The following BRWD1 variants were observed in gnomAD, a reference collection of about 807,000 sequenced individuals.
BRWD1 encodes bromodomain and WD repeat domain containing 1, also known as bromodomain and WD repeat-containing protein 1.
A neutral mutation model predicts 251.2 loss-of-function variants in BRWD1; 82 were observed. That is an observed-to-expected ratio of 0.33 (90% confidence interval 0.27 to 0.39). BRWD1 has a LOEUF of 0.39. Among genes scored for constraint, BRWD1 ranks in the 10% least tolerant of loss-of-function variants. BRWD1 has a pLI of 1.00. For missense variants in BRWD1, 2,233 were observed against 2,711.6 expected (o/e 0.82, Z 3.92); for synonymous variants, 918 against 902.8 (o/e 1.02, Z -0.30).
chr21:39,206,093 C>T lies in BRWD1; in HGVS notation c.4364+15G>A. 6.3e-7 allele frequency: 1 copy of T among 1,593,994 alleles called. No individual in the cohort carries two copies. Among genetic ancestry groups the T allele is most frequent in the Non-Finnish European group, 8.5e-7 (1 of 1,171,834 alleles). ...TAAATAAATAAATAAAGCAAGCTTG[C>T]CATAACCAGTTTACCTGATACTTTT... On this transcript the variant is annotated intron_variant, in intron 37 of 40. Transcript: ENST00000342449.
chr21:39,230,807 TA>T (rs554938911), intron 25 of BRWD1, among the ~76,000 whole-genome samples: 430 of 139,528 alleles, frequency 3.1e-3, no homozygotes, highest in Middle Eastern at 7.2e-3. Flanking sequence ...TGCGAGAGCT[TA>T]AAAAAAAAAA....
chr21:39,218,466 GAAA>G (rs748656460), intron 30 of BRWD1, 36 bp downstream of exon 30: 1 of 1,495,070 alleles, frequency 6.7e-7, no homozygotes, highest in African/African-American at 1.4e-5. Context: ...GAAAAAAATT[GAAA>G]AAAAAACTTT....
Position 39,196,057 on chromosome 21 carries a change from T to C in BRWD1, c.*202A>G. The C allele has an allele frequency of 7.7e-7, 1 of 1,292,152 alleles. No homozygotes were observed. Among genetic ancestry groups the C allele is most frequent in the Non-Finnish European group, 9.8e-7 (1 of 1,022,482 alleles). 80.0% of individuals were successfully genotyped at this position (1,292,152 alleles called of 1,614,324 possible). A position where few individuals can be genotyped will look rare whatever the true frequency, so the allele number is the denominator to read the frequency against. On this transcript the variant is annotated 3_prime_UTR_variant, in exon 41 of 41. Coordinates refer to ENST00000342449, the MANE Select transcript of BRWD1 (RefSeq NM_033656.4). ...ATCTGCCCCCAAAATGAAGCATATT[T>C]TGGCACCTGTGCTGAATGCTGCTAC...
intron 13 of BRWD1, among the ~76,000 whole-genome samples, chr21:39,273,104 C>T (rs2035170058): frequency 6.6e-6 from 1 of 152,160 alleles, no homozygotes; most frequent in Non-Finnish European, 1.5e-5. Flanking sequence ...GAAAAGTCCC[C>T]TTCATGGATC....
At chr21:39,248,652 A>C (rs1326235264) in intron 20 of BRWD1, among the ~76,000 whole-genome samples, 1 of 55,808 alleles carries the variant, frequency 1.8e-5, no homozygotes, top group African/African-American at 6.4e-5. Flanking sequence ...AAAAAAAAAA[A>C]AAAAAAAAAA....
intron 4 of BRWD1, among the ~76,000 whole-genome samples, chr21:39,306,195 G>A (rs368316653): frequency 3.3e-5 from 5 of 149,964 alleles, no homozygotes; most frequent in East Asian, 2.0e-4. Context: ...TCAGCCTCCC[G>A]AGTAGCTGGG....
At chr21:39,211,073 T>G in intron 34 of BRWD1, 144 bp from the exon 35 acceptor site, 1 of 794,136 alleles carries the variant, frequency 1.3e-6, no homozygotes, top group Non-Finnish European at 1.9e-6. Context: ...AATGAAATTT[T>G]TAAACTATGC....
rs1013458335 is a variant in BRWD1 at position 39,215,107 on chromosome 21, T to C, written c.3785+130A>G. 4.3e-5 allele frequency: 35 copies of C among 818,824 alleles called. No homozygotes were observed. In the African/African-American group the frequency reaches 5.3e-4, roughly 12 times the overall value. The allele number at this position is 818,824 out of a possible 1,614,324, so 50.7% of individuals were successfully genotyped here. A position where few individuals can be genotyped will look rare whatever the true frequency, so the allele number is the denominator to read the frequency against. ...CTGGTCTCAAATGCCTGACCGCAAG[T>C]GATCTGACGGCCTTCACTTCCCAAA... On this transcript the variant is annotated intron_variant, in intron 32 of 40. Transcript: ENST00000342449.
chr21:39,293,988 G>A lies in BRWD1; in HGVS notation c.654C>T (p.Gly218=), dbSNP rs772205035. 2.5e-6 allele frequency: 4 copies of A among 1,614,024 alleles called. No homozygotes were observed. The highest frequency in any genetic ancestry group is 3.4e-6 in the Non-Finnish European group (4 of 1,180,034). ...CLVKIWSTHN[G]RLLSTLRGHS... Reference sequence around the variant, plus strand: ...GACCTCTTAATGTAGATAACAAGCGGCCATTATGTGTTGACCAAATCTTTA... The same window carrying A: ...GACCTCTTAATGTAGATAACAAGCGACCATTATGTGTTGACCAAATCTTTA... Residue 218 remains glycine (G), a synonymous_variant, in exon 8 of 41, where the codon GGC becomes GGT. Coordinates refer to ENST00000342449, the MANE Select transcript of BRWD1 (RefSeq NM_033656.4).
chr21:39,189,891 A>T lies in BRWD1; in HGVS notation c.*6368T>A. ...TGCATTTGTGATGGTGCCATGTGAT[A>T]CTAAGAAGTCAGTAGAATCCCACCA... On this transcript the variant is annotated 3_prime_UTR_variant, in exon 41 of 41. Coordinates refer to ENST00000342449, the MANE Select transcript of BRWD1 (RefSeq NM_033656.4). 1.0e-6 allele frequency: 1 copy of T among 985,394 alleles called. No homozygotes were observed. The highest frequency in any genetic ancestry group is 1.7e-5 in the African/African-American group (1 of 57,364). The allele number at this position is 985,394 out of a possible 1,614,324, so 61.0% of individuals were successfully genotyped here.
chr21:39,258,988 C>T (rs2034651680), intron 17 of BRWD1, among the ~76,000 whole-genome samples: 2 of 152,076 alleles, frequency 1.3e-5, no homozygotes, highest in Admixed American at 6.5e-5. Flanking sequence ...TCACCATACT[C>T]GATATATTTC....
chr21:39,293,332 A>G (rs2035868523), intron 8 of BRWD1, among the ~76,000 whole-genome samples: 2 of 152,156 alleles, frequency 1.3e-5, no homozygotes, highest in South Asian at 2.1e-4. Context: ...GTCTCTACTA[A>G]AAATACAAAA....
intron 4 of BRWD1, among the ~76,000 whole-genome samples, chr21:39,299,812 T>TA (rs34769388): frequency 1.4e-4 from 21 of 144,836 alleles, no homozygotes; most frequent in South Asian, 8.7e-4. Context: ...CCATCTCTAC[T>TA]AAAAAAAAAA....
At chr21:39,184,372 CT>C (rs2146421184), downstream of BRWD1, 1 of 152,172 alleles carries the variant, frequency 6.6e-6, no homozygotes, top group African/African-American at 2.4e-5. Context: ...TTAATTGGTT[CT>C]CTTTAAAATG....
chr21:39,223,725 A>G (rs2033270175), intron 29 of BRWD1, among the ~76,000 whole-genome samples: 1 of 152,192 alleles, frequency 6.6e-6, no homozygotes, highest in East Asian at 1.9e-4. Flanking sequence ...AATCCATAAT[A>G]AGACAACTTG....
intron 5 of BRWD1, chr21:39,297,458 G>C (rs143328616): frequency 3.2e-6 from 3 of 949,282 alleles, no homozygotes; most frequent in Non-Finnish European, 2.5e-6. Flanking sequence ...ACAAAACAAC[G>C]ACATGGAGCT....
intron 7 of BRWD1, among the ~76,000 whole-genome samples, chr21:39,294,261 C>T (rs551173726): frequency 2.2e-4 from 33 of 152,124 alleles, no homozygotes; most frequent in Non-Finnish European, 4.3e-4. Context: ...ATCATTTCTA[C>T]GGGTCAGACT....
intron 1 of BRWD1, among the ~76,000 whole-genome samples, chr21:39,320,705 C>T (rs1417832470): frequency 3.1e-5 from 4 of 127,820 alleles, no homozygotes; most frequent in Non-Finnish European, 6.3e-5. Flanking sequence ...GAATCTTGCT[C>T]TCTTGCCCAG....
intron 7 of BRWD1, 97 bp from the exon 8 acceptor site, chr21:39,294,129 C>G: frequency 1.1e-6 from 1 of 921,462 alleles, no homozygotes; most frequent in Non-Finnish European, 1.6e-6. Context: ...AACTTTAACT[C>G]TTTCCAACTA....
Sources: allele counts gnomAD v4.1 joint callset (sites outside exome capture counted in the v4.1 genomes callset), GRCh38; gene constraint gnomAD v4.1.1; transcripts MANE v1.5; gene names NCBI Gene and HGNC (gene_info 2026-07-23, HGNC 2026-07-21).